The following PPP3CC variants were observed in gnomAD, a reference collection of about 807,000 sequenced individuals.
PPP3CC encodes the protein protein phosphatase 3 catalytic subunit gamma.
PPP3CC carries 35 observed loss-of-function variants against 60.3 expected under a neutral mutation model. The ratio of observed to expected loss-of-function variants is 0.58; its 90% confidence interval spans 0.44 to 0.77. The LOEUF (loss-of-function observed/expected upper bound fraction) is 0.77, where lower values mean the gene tolerates loss of function less well. PPP3CC is among the 30% of genes least tolerant of loss of function. The probability of loss-of-function intolerance (pLI) is 0.00; values close to 1 mark genes in which losing one functional copy is unlikely to be tolerated. For missense variants in PPP3CC, 570 were observed against 628.9 expected (o/e 0.91, Z 1.00); for synonymous variants, 206 against 224.3 (o/e 0.92, Z 0.73).
At chr8:22,540,542 A>G in intron 13 of PPP3CC, 73 bp from the exon 14 acceptor site, 1 of 1,461,118 alleles carries the variant, frequency 6.8e-7, no homozygotes, top group South Asian at 1.3e-5. Context: ...GCTGTGTGCT[A>G]AGAAACTTTT....
intron 12 of PPP3CC, among the ~76,000 whole-genome samples, chr8:22,535,011 G>A (rs1385799965): frequency 6.6e-6 from 1 of 152,194 alleles, no homozygotes; most frequent in Non-Finnish European, 1.5e-5. Flanking sequence ...GGAATGTTCT[G>A]TATCATTATC....
At chr8:22,500,802 A>G (rs1279064503) in intron 4 of PPP3CC, among the ~76,000 whole-genome samples, 2 of 152,230 alleles carry the variant, frequency 1.3e-5, no homozygotes, top group Non-Finnish European at 2.9e-5. Flanking sequence ...ACTGGAATAA[A>G]CACTTTAAAT....
intron 12 of PPP3CC, among the ~76,000 whole-genome samples, chr8:22,535,732 AT>A (rs1437323384): frequency 6.6e-6 from 1 of 151,544 alleles, no homozygotes; most frequent in South Asian, 2.1e-4. Context: ...GGACAAACCC[AT>A]TTTTTTTCTT....
At chr8:22,497,561 A>G (rs1838628150) in intron 3 of PPP3CC, among the ~76,000 whole-genome samples, 1 of 152,154 alleles carries the variant, frequency 6.6e-6, no homozygotes, top group Non-Finnish European at 1.5e-5. Context: ...TATATCTGCA[A>G]ATAGAGATAG....
chr8:22,539,185 A>G (rs1246607959), intron 12 of PPP3CC, among the ~76,000 whole-genome samples: 2 of 152,234 alleles, frequency 1.3e-5, no homozygotes, highest in Non-Finnish European at 1.5e-5. Context: ...CGTGGATATC[A>G]AGATATAAAG....
In PPP3CC at chr8:22,532,919, A is replaced by G; in HGVS notation, c.1224-2A>G. 1 of 1,574,704 alleles carries G rather than the reference A, an allele frequency of 6.4e-7. No individual in the cohort carries two copies. On this transcript the variant is annotated splice_acceptor_variant, in intron 11 of 13. Transcript: ENST00000240139. LOFTEE classifies it high-confidence loss of function. ...AACCCAGGGTTTGGTCTCCCTTTGC[A>G]GGCAAGAAAGTGAGAGTGTGCTGAC...
At chr8:22,497,583 C>A (rs1838629080) in intron 3 of PPP3CC, among the ~76,000 whole-genome samples, 1 of 152,044 alleles carries the variant, frequency 6.6e-6, no homozygotes, top group Non-Finnish European at 1.5e-5. Context: ...TTTATTTTTT[C>A]TTTACCCATT....
At chr8:22,451,754 C>A (rs1310552879) in intron 1 of PPP3CC, among the ~76,000 whole-genome samples, 1 of 152,162 alleles carries the variant, frequency 6.6e-6, no homozygotes, top group East Asian at 1.9e-4. Flanking sequence ...ATTCAGTGTA[C>A]GCAAATTTAT....
chr8:22,508,557 C>T (rs1400365495), intron 4 of PPP3CC, among the ~76,000 whole-genome samples: 1 of 152,162 alleles, frequency 6.6e-6, no homozygotes, highest in Non-Finnish European at 1.5e-5. Context: ...CTTGTCCAGA[C>T]TTGGCATTCT....
At chr8:22,470,004 A>G (rs1837668179) in intron 1 of PPP3CC, among the ~76,000 whole-genome samples, 1 of 151,506 alleles carries the variant, frequency 6.6e-6, no homozygotes, top group Admixed American at 6.6e-5. Flanking sequence ...TGATCCATGT[A>G]TATATATATG....
chr8:22,523,203 A>C (rs184818934), intron 8 of PPP3CC, among the ~76,000 whole-genome samples: 39 of 152,222 alleles, frequency 2.6e-4, no homozygotes, highest in South Asian at 1.9e-3. Context: ...TCAAAAAAAA[A>C]CCTTCATTTT....
chr8:22,484,021 T>C (rs534972432), intron 3 of PPP3CC, among the ~76,000 whole-genome samples: 2 of 151,226 alleles, frequency 1.3e-5, no homozygotes, highest in African/African-American at 2.4e-5. Flanking sequence ...TTTTTTTTTT[T>C]AATTTTTTTA....
chr8:22,509,388 C>T (rs1402206057), intron 4 of PPP3CC, among the ~76,000 whole-genome samples: 3 of 152,164 alleles, frequency 2.0e-5, no homozygotes, highest in East Asian at 1.9e-4. Context: ...GTCCTGTAGG[C>T]CACCTCATCT....
intron 4 of PPP3CC, among the ~76,000 whole-genome samples, chr8:22,505,024 ATTTTT>A (rs34116717): frequency 8.6e-6 from 1 of 115,974 alleles, no homozygotes; most frequent in African/African-American, 3.3e-5. Context: ...CCACGAACCT[ATTTTT>A]TTTTTTTTTT....
chr8:22,448,581 A>G lies in PPP3CC; in HGVS notation c.49+7123A>G, dbSNP rs1469949176. Among the ~76,000 whole-genome samples, 5 of 151,962 alleles carry G rather than the reference A, an allele frequency of 3.3e-5. No homozygotes were observed. The East Asian group carries it at 9.7e-4, about 29-fold the overall frequency. On this transcript the variant is annotated intron_variant, in intron 1 of 13. Coordinates refer to ENST00000240139, the MANE Select transcript of PPP3CC (RefSeq NM_005605.5). ...TTTAGTAGAGACGAGGTTTCTCCGTATTGGTCAGGCTGGTCTCGAGCTCCC... is the reference window on the plus strand; with the variant it reads ...TTTAGTAGAGACGAGGTTTCTCCGTGTTGGTCAGGCTGGTCTCGAGCTCCC...
At chr8:22,488,224 T>C (rs1838281662) in intron 3 of PPP3CC, among the ~76,000 whole-genome samples, 2 of 152,216 alleles carry the variant, frequency 1.3e-5, no homozygotes, top group South Asian at 4.1e-4. Context: ...AATATAATTT[T>C]TCCTTGGAAT....
In PPP3CC at chr8:22,540,870, A is replaced by C. The variant is rs1005977781; in HGVS notation, c.*68A>C. The C allele has an allele frequency of 1.1e-5, 15 of 1,366,366 alleles. No individual in the cohort carries two copies. Among genetic ancestry groups the C allele is most frequent in the Non-Finnish European group, 1.3e-5 (14 of 1,042,166 alleles). The allele number at this position is 1,366,366 out of a possible 1,614,324, so 84.6% of individuals were successfully genotyped here. ...ACAAATTCTATTTATTTATTATTGG[A>C]AAATGAAAAGCAACTCAAAACAACT... On this transcript the variant is annotated 3_prime_UTR_variant, in exon 14 of 14. Transcript: ENST00000240139.
chr8:22,442,406 T>A (rs1836699168), intron 1 of PPP3CC, among the ~76,000 whole-genome samples: 1 of 152,186 alleles, frequency 6.6e-6, no homozygotes, highest in Non-Finnish European at 1.5e-5. Flanking sequence ...ATTTTGGTAT[T>A]AGAAGGAGAA....
intron 1 of PPP3CC, among the ~76,000 whole-genome samples, chr8:22,450,433 T>C (rs28650073): frequency 6.6e-6 from 1 of 152,230 alleles, no homozygotes; most frequent in Non-Finnish European, 1.5e-5. Context: ...AGTCACTGAT[T>C]CAGATGACCA....
Sources: gnomAD v4.1 joint callset for allele counts (sites outside exome capture counted in the v4.1 genomes callset) on GRCh38, gnomAD v4.1.1 for gene constraint, MANE v1.5 for transcripts, NCBI Gene and HGNC (gene_info 2026-07-23, HGNC 2026-07-21) for gene names.